Variants in LRBA observed in about 807,000 individuals in gnomAD.
LRBA encodes lipopolysaccharide-responsive and beige-like anchor protein.
In LRBA, 176 loss-of-function variants were observed where a neutral mutation model predicts 330.0. The observed-to-expected ratio is 0.53, with a 90% CI of 0.47 to 0.60. The LOEUF is 0.60. Ranked by LOEUF, LRBA falls within the 20% of genes least tolerant of loss-of-function variation. The pLI, the probability that LRBA is intolerant of heterozygous loss-of-function variation, is 0.00. For synonymous variants in LRBA, 1,230 were observed against 1,193.0 expected, an observed-to-expected ratio of 1.03 and a Z score of -0.64; for missense variants, 3,259 against 3,444.8, an observed-to-expected ratio of 0.95 and a Z score of 1.35.
At chr4:150,365,628 C>T (rs1739353640) in intron 47 of LRBA, among the ~76,000 whole-genome samples, 1 of 151,840 alleles carries the variant, frequency 6.6e-6, no homozygotes, top group South Asian at 2.1e-4. Context: ...CCCATCTCTA[C>T]TAAAAATACA....
Position 150,414,508 on chromosome 4 carries a change from C to T in LRBA, c.7194+930G>A, listed in dbSNP as rs185312186. Among the ~76,000 whole-genome samples, 342 of 151,596 alleles carry T rather than the reference C, an allele frequency of 2.3e-3. 4 individuals are homozygous for T. The highest frequency in any genetic ancestry group is 7.9e-3 in the African/African-American group (329 of 41,400). ...AAATTTATTTTATTTTTTATTTTTTCGAGACAGAGTTTCACTGTGTCACCC... is the reference window on the plus strand; with the variant it reads ...AAATTTATTTTATTTTTTATTTTTTTGAGACAGAGTTTCACTGTGTCACCC... On this transcript the variant is annotated intron_variant, in intron 47 of 56. Transcript: ENST00000651943.
intron 30 of LRBA, among the ~76,000 whole-genome samples, chr4:150,820,769 T>C (rs371509823): frequency 6.6e-6 from 1 of 152,202 alleles, no homozygotes; most frequent in East Asian, 1.9e-4. Context: ...TCATTATTAC[T>C]ATAAAGTTTC....
At chr4:150,325,761 G>A (rs200419338) in intron 49 of LRBA, 48 bp downstream of exon 49, 54 of 1,204,572 alleles carry the variant, frequency 4.5e-5, no homozygotes, top group Admixed American at 2.0e-4. Flanking sequence ...AATATCAAGC[G>A]GATCTGAAGG....
intron 37 of LRBA, among the ~76,000 whole-genome samples, chr4:150,647,682 C>A (rs1231541712): frequency 6.6e-6 from 1 of 151,978 alleles, no homozygotes; most frequent in Non-Finnish European, 1.5e-5. Context: ...CATGAGCCAC[C>A]ACACTCAGCT....
intron 42 of LRBA, among the ~76,000 whole-genome samples, chr4:150,475,393 A>G (rs1756596087): frequency 6.6e-6 from 1 of 152,214 alleles, no homozygotes; most frequent in Non-Finnish European, 1.5e-5. Flanking sequence ...ATTAGCCAGG[A>G]AAGACAACTG....
intron 36 of LRBA, among the ~76,000 whole-genome samples, chr4:150,725,943 A>C (rs1423043974): frequency 6.6e-6 from 1 of 152,204 alleles, no homozygotes; most frequent in African/African-American, 2.4e-5. Context: ...AACAGGTTAT[A>C]AGATTGTGTT....
chr4:151,006,790 T>C (rs1164150709), intron 2 of LRBA, among the ~76,000 whole-genome samples: 1 of 152,186 alleles, frequency 6.6e-6, no homozygotes, highest in Non-Finnish European at 1.5e-5. Context: ...GGAACCTAAA[T>C]TATCAAGTCT....
chr4:150,282,353 C>T, intron 55 of LRBA, 97 bp downstream of exon 55: 2 of 1,109,616 alleles, frequency 1.8e-6, no homozygotes, highest in Non-Finnish European at 2.7e-6. Flanking sequence ...CCTCGGCAAT[C>T]CAAAAATAGA....
At chr4:150,543,040 A>G (rs533354852) in intron 40 of LRBA, among the ~76,000 whole-genome samples, 2 of 152,186 alleles carry the variant, frequency 1.3e-5, no homozygotes, top group South Asian at 2.1e-4. Flanking sequence ...GTCCCCCACA[A>G]AAAACTAGAA....
At chr4:150,680,286 T>A (rs1352259088) in intron 37 of LRBA, among the ~76,000 whole-genome samples, 1 of 152,150 alleles carries the variant, frequency 6.6e-6, no homozygotes, top group Admixed American at 6.5e-5. Context: ...AAGGGCACAG[T>A]TATCAGAGCT....
chr4:150,936,818 C>T (rs1027054562), intron 2 of LRBA, among the ~76,000 whole-genome samples: 1 of 152,028 alleles, frequency 6.6e-6, no homozygotes, highest in African/African-American at 2.4e-5. Flanking sequence ...ACCAATAAAT[C>T]TGAAACAATT....
At chr4:150,618,623 C>T (rs1438050968) in intron 37 of LRBA, among the ~76,000 whole-genome samples, 2 of 151,964 alleles carry the variant, frequency 1.3e-5, no homozygotes, top group African/African-American at 2.4e-5. Flanking sequence ...TGCACCCTCT[C>T]AAGAACAAGC....
At chr4:150,691,912 C>T (rs990860108) in intron 36 of LRBA, among the ~76,000 whole-genome samples, 3 of 151,884 alleles carry the variant, frequency 2.0e-5, no homozygotes, top group African/African-American at 7.3e-5. Context: ...TTATGCTGAC[C>T]AAAATAATCC....
intron 2 of LRBA, among the ~76,000 whole-genome samples, chr4:150,986,232 A>G (rs1741449654): frequency 1.3e-5 from 2 of 152,106 alleles, no homozygotes; most frequent in Non-Finnish European, 2.9e-5. Flanking sequence ...TTTCCACAGA[A>G]CGGGGGTCAG....
chr4:150,934,747 G>A (rs550745900), intron 2 of LRBA, among the ~76,000 whole-genome samples: 2 of 152,190 alleles, frequency 1.3e-5, no homozygotes, highest in African/African-American at 4.8e-5. Flanking sequence ...AGTGGCTCAC[G>A]CCTGTAATCC....
intron 2 of LRBA, among the ~76,000 whole-genome samples, chr4:150,938,415 T>C (rs1212119469): frequency 6.6e-6 from 1 of 152,158 alleles, no homozygotes; most frequent in African/African-American, 2.4e-5. Context: ...TACAAAGCTG[T>C]GACACAGACT....
chr4:150,947,895 T>C (rs1014253770), intron 2 of LRBA, among the ~76,000 whole-genome samples: 8 of 152,146 alleles, frequency 5.3e-5, no homozygotes, highest in Non-Finnish European at 1.0e-4. Flanking sequence ...AAATATACCA[T>C]CTATAATTGC....
chr4:150,897,655 G>A, intron 15 of LRBA, 84 bp downstream of exon 15: 1 of 951,038 alleles, frequency 1.1e-6, no homozygotes, highest in Non-Finnish European at 1.6e-6. Context: ...ACCAAGCAAA[G>A]AATAAAAAAA....
At chr4:150,314,725 C>T (rs1352197638) in intron 51 of LRBA, 1 of 152,050 alleles carries the variant, frequency 6.6e-6, no homozygotes, top group African/African-American at 2.4e-5. Context: ...TCTTCAAAAT[C>T]GAGGCTTAAC....
Sources: gnomAD v4.1 joint callset for allele counts (sites outside exome capture counted in the v4.1 genomes callset) on GRCh38, gnomAD v4.1.1 for gene constraint, MANE v1.5 for transcripts, NCBI Gene and HGNC (gene_info 2026-07-23, HGNC 2026-07-21) for gene names.